XIRP2: variants seen among roughly 807,000 people sequenced by gnomAD.
XIRP2 encodes the protein xin actin binding repeat containing 2.
XIRP2 carries 236 observed loss-of-function variants against 277.0 expected under a neutral mutation model. The observed-to-expected ratio is 0.85, with a 90% CI of 0.77 to 0.95. XIRP2 has a LOEUF of 0.95. Ranked by LOEUF, XIRP2 falls within the 40% of genes least tolerant of loss-of-function variation. The pLI is 0.00. For missense variants in XIRP2, 4,640 were observed against 4,157.5 expected (o/e 1.12, Z -3.19); for synonymous variants, 1,490 against 1,416.5 (o/e 1.05, Z -1.17).
intron 2 of XIRP2, among the ~76,000 whole-genome samples, chr2:167,116,763 A>G (rs1690907462): frequency 6.6e-6 from 1 of 152,234 alleles, no homozygotes. Context: ...AGTGACATAT[A>G]TAGTTTAGAA....
chr2:167,064,410 T>C (rs955183267), intron 2 of XIRP2, among the ~76,000 whole-genome samples: 6 of 151,980 alleles, frequency 3.9e-5, no homozygotes, highest in South Asian at 2.1e-4. Flanking sequence ...CCTTTCTTTA[T>C]GTGATTGCTG....
intron 1 of XIRP2, among the ~76,000 whole-genome samples, chr2:166,893,902 C>T (rs764822979): frequency 2.0e-5 from 3 of 152,102 alleles, no homozygotes; most frequent in Non-Finnish European, 4.4e-5. Context: ...TTATGACTTA[C>T]AAGAAATCTT....
intron 3 of XIRP2, among the ~76,000 whole-genome samples, chr2:167,162,491 C>A (rs1692400060): frequency 6.6e-6 from 1 of 152,048 alleles, no homozygotes; most frequent in South Asian, 2.1e-4. Flanking sequence ...AGGGAAACTC[C>A]CCTTTTTGAA....
At chr2:167,039,129 T>G (rs1404685769) in intron 2 of XIRP2, among the ~76,000 whole-genome samples, 1 of 152,076 alleles carries the variant, frequency 6.6e-6, no homozygotes, top group African/African-American at 2.4e-5. Flanking sequence ...TACATACACA[T>G]AGACACCTTC....
chr2:167,193,517 G>T (rs941198303), intron 3 of XIRP2, among the ~76,000 whole-genome samples: 7 of 152,024 alleles, frequency 4.6e-5, no homozygotes, highest in African/African-American at 1.7e-4. Flanking sequence ...ATGATGAATA[G>T]CCCTCAAATA....
At position 167,245,770 on chromosome 2, in the gene XIRP2, A is replaced by C. The variant is rs1237232355; in HGVS notation, c.4378A>C (p.Thr1460Pro). The change falls in exon 9 of 11, where the codon ACT (threonine) becomes CCT (proline). Residue 1460 changes from threonine (T) to proline (P), a missense_variant. Coordinates refer to ENST00000409195, the MANE Select transcript of XIRP2 (RefSeq NM_152381.6). ...KTSTWLFETH[T>P]MDELRGEGLE... ...ATCTACTTGGCTATTTGAAACCCAC[A>C]CTATGGATGAACTGAGAGGAGAAGG... The C allele has an allele frequency of 6.2e-7, 1 of 1,613,810 alleles. No individual in the cohort carries two copies. The highest frequency in any genetic ancestry group is 1.3e-5 in the African/African-American group (1 of 75,038).
At chr2:167,138,375 C>T (rs1023652785) in intron 3 of XIRP2, among the ~76,000 whole-genome samples, 23 of 152,152 alleles carry the variant, frequency 1.5e-4, no homozygotes, top group African/African-American at 5.1e-4. Context: ...CTCCAATATC[C>T]TCAATGGCAG....
At chr2:167,011,817 A>G (rs1335704273) in intron 2 of XIRP2, among the ~76,000 whole-genome samples, 3 of 152,076 alleles carry the variant, frequency 2.0e-5, no homozygotes, top group African/African-American at 7.2e-5. Flanking sequence ...GTATGTGTCG[A>G]GGAATTTATC....
At chr2:167,061,787 C>T (rs1689179929) in intron 2 of XIRP2, among the ~76,000 whole-genome samples, 1 of 151,954 alleles carries the variant, frequency 6.6e-6, no homozygotes, top group Admixed American at 6.6e-5. Context: ...CCGGCAACCA[C>T]CGAAAGCTAG....
At chr2:167,059,450 A>AAAAATAAAATAAAAT (rs56983000) in intron 2 of XIRP2, among the ~76,000 whole-genome samples, 2,917 of 140,312 alleles carry the variant, frequency 0.021, 54 homozygotes, top group East Asian at 0.073. Context: ...ACATGTGGAA[A>AAAAATAAAATAAAAT]AAAATAAAAT....
At chr2:167,066,740 A>G (rs1215972029) in intron 2 of XIRP2, among the ~76,000 whole-genome samples, 2 of 152,168 alleles carry the variant, frequency 1.3e-5, no homozygotes, top group African/African-American at 4.8e-5. Flanking sequence ...CTAAATATCC[A>G]TCAATGGATA....
chr2:167,108,052 CTA>C (rs1341372636), intron 2 of XIRP2, among the ~76,000 whole-genome samples: 3 of 151,606 alleles, frequency 2.0e-5, no homozygotes, highest in Admixed American at 6.6e-5. Context: ...GTTATACAAA[CTA>C]TTTCATATTG....
rs1695204520 is a variant in XIRP2 at position 167,245,041 on chromosome 2, G to C, written c.3649G>C (p.Glu1217Gln). 6.2e-7 allele frequency: 1 copy of C among 1,612,016 alleles called. No homozygotes were observed. The highest frequency in any genetic ancestry group is 1.1e-5 in the South Asian group (1 of 90,512). The part of the protein sequence containing the change: ...QSLDSISSSS[E>Q]EVLKKIKTLK... ...CTTAGATTCTATAAGTTCTAGTTCA[G>C]AGGAAGTTTTGAAAAAGATCAAAAC... Residue 1217 changes from glutamate (E) to glutamine (Q), a missense_variant, in exon 9 of 11, where the codon GAG becomes CAG. By Grantham distance (29) the Glu-to-Gln change is conservative. Transcript: ENST00000409195.
rs200163924 is a variant in XIRP2 at position 167,245,701 on chromosome 2, C to G, written c.4309C>G (p.Arg1437Gly). Residue 1437 changes from arginine to glycine, a missense_variant, in exon 9 of 11, where the codon CGA (arginine) becomes GGA (glycine). Coordinates refer to ENST00000409195, the MANE Select transcript of XIRP2 (RefSeq NM_152381.6). ...AAATTTTGATAAGAATAACTATATA[C>G]GAACAGTAAGTGTCAATGAAATACA... Reference protein sequence around the residue: ...SENFDKNNYIRTVSVNEIQKG... With the variant: ...SENFDKNNYIGTVSVNEIQKG... The G allele has an allele frequency of 3.7e-5, 60 of 1,613,444 alleles. No individual in the cohort carries two copies. Among genetic ancestry groups the G allele is most frequent in the Non-Finnish European group, 5.1e-5 (60 of 1,179,664 alleles).
intron 3 of XIRP2, among the ~76,000 whole-genome samples, chr2:167,138,173 G>A (rs184873167): frequency 7.9e-5 from 12 of 152,228 alleles, no homozygotes; most frequent in African/African-American, 2.2e-4. Context: ...TTAACTAGCC[G>A]CAAGAGTTTC....
chr2:166,963,398 G>A (rs1438983036), intron 2 of XIRP2, among the ~76,000 whole-genome samples: 4 of 151,734 alleles, frequency 2.6e-5, no homozygotes, highest in African/African-American at 7.3e-5. Flanking sequence ...AGAGTTACAC[G>A]TTCAGAGAAA....
intron 2 of XIRP2, among the ~76,000 whole-genome samples, chr2:166,953,064 C>T (rs904849081): frequency 3.9e-5 from 6 of 152,050 alleles, no homozygotes; most frequent in South Asian, 2.1e-4. Context: ...TTAAAATAGC[C>T]TACTGGTTCT....
intron 2 of XIRP2, among the ~76,000 whole-genome samples, chr2:167,028,597 T>G (rs2105499771): frequency 6.6e-6 from 1 of 151,770 alleles, no homozygotes; most frequent in East Asian, 2.0e-4. Flanking sequence ...CCAAGACAGG[T>G]ACAAAGAAGT....
intron 2 of XIRP2, among the ~76,000 whole-genome samples, chr2:166,946,349 C>G (rs963061698): frequency 6.6e-6 from 1 of 152,134 alleles, no homozygotes; most frequent in South Asian, 2.1e-4. Context: ...CCACTAACTG[C>G]GCAAACTATC....
Sources: allele counts gnomAD v4.1 joint callset (sites outside exome capture counted in the v4.1 genomes callset), GRCh38; gene constraint gnomAD v4.1.1; transcripts MANE v1.5; gene names NCBI Gene and HGNC (gene_info 2026-07-23, HGNC 2026-07-21).